The following HS1BP3 variants were observed in gnomAD, a reference collection of about 807,000 sequenced individuals.
HS1BP3 encodes the protein HCLS1 binding protein 3, also known as HCLS1-binding protein 3.
In HS1BP3, 32 loss-of-function variants were observed where a neutral mutation model predicts 33.5. The observed-to-expected ratio is 0.95, with a 90% CI of 0.72 to 1.28. The LOEUF is 1.28. Ranked by LOEUF, HS1BP3 falls within the 50% of genes most tolerant of loss-of-function variation. The pLI is 0.00. For missense variants in HS1BP3, 486 were observed against 502.3 expected (o/e 0.97, Z 0.31); for synonymous variants, 187 against 209.2 (o/e 0.89, Z 0.92).
At chr2:20,582,103 T>G (rs962833308) in intron 5 of HS1BP3, among the ~76,000 whole-genome samples, 1 of 152,202 alleles carries the variant, frequency 6.6e-6, no homozygotes, top group Non-Finnish European at 1.5e-5. Flanking sequence ...TTTGCCAGAT[T>G]CTGTTGGTTA....
chr2:20,640,314 A>C (rs56081219), intron 3 of HS1BP3: 19,127 of 155,506 alleles, frequency 0.12, 1,687 homozygotes, highest in African/African-American at 0.25. Flanking sequence ...TTCTGTTCTA[A>C]GGACTTTGCA....
chr2:20,626,364 C>T (rs537368512), intron 4 of HS1BP3, among the ~76,000 whole-genome samples: 7 of 152,342 alleles, frequency 4.6e-5, no homozygotes, highest in Non-Finnish European at 8.8e-5. Context: ...AGCCCAGTCC[C>T]AGGGGAAGGA....
chr2:20,619,330 C>A (rs548640375), intron 6 of HS1BP3, 85 bp from the exon 7 acceptor site: 10 of 1,221,314 alleles, frequency 8.2e-6, no homozygotes, highest in Admixed American at 2.7e-5. Flanking sequence ...AGTGCCCACA[C>A]GGGGCTGGGC....
intron 2 of HS1BP3, among the ~76,000 whole-genome samples, chr2:20,609,299 T>C (rs1694267524): frequency 6.6e-6 from 1 of 152,212 alleles, no homozygotes; most frequent in Non-Finnish European, 1.5e-5. Flanking sequence ...GCAGCCTTCC[T>C]GCATCCCAGC....
intron 5 of HS1BP3, among the ~76,000 whole-genome samples, chr2:20,561,643 C>T (rs1164802378): frequency 6.6e-6 from 1 of 152,154 alleles, no homozygotes; most frequent in Non-Finnish European, 1.5e-5. Context: ...TTTATTGTGG[C>T]CAAATGGTTC....
intron 3 of HS1BP3, among the ~76,000 whole-genome samples, chr2:20,593,879 T>C (rs1359166251): frequency 1.3e-5 from 2 of 152,302 alleles, no homozygotes; most frequent in East Asian, 1.9e-4. Flanking sequence ...TGAAGGAATG[T>C]ACAAGGGCTG....
chr2:20,585,654 C>T (rs183596142), intron 5 of HS1BP3, among the ~76,000 whole-genome samples: 4 of 152,202 alleles, frequency 2.6e-5, no homozygotes, highest in Admixed American at 2.6e-4. Context: ...TTTGAAGGAC[C>T]GAGAAGCTGC....
rs1286183993 is a variant in HS1BP3 at position 20,566,426 on chromosome 2, G to T, written c.303-5911C>A. On this transcript the variant is annotated intron_variant, in intron 5 of 5. Coordinates refer to the HS1BP3 transcript ENST00000446825. The stretch of plus-strand genomic sequence containing the variant: ...TGGCCTGAGCACCTGTGGGTCCAAA[G>T]CCCTCAGAGTCACACTGGGTCTCCT... Among the ~76,000 whole-genome samples, 10 of 152,274 alleles carry T rather than the reference G, an allele frequency of 6.6e-5. No individual in the cohort carries two copies. In the East Asian group the frequency reaches 1.9e-3, roughly 29 times the overall value.
intron 2 of HS1BP3, among the ~76,000 whole-genome samples, chr2:20,643,730 C>T (rs747461205): frequency 3.3e-5 from 5 of 151,724 alleles, no homozygotes; most frequent in Non-Finnish European, 7.4e-5. Flanking sequence ...GAGTTTGAGA[C>T]CAGCCTGGAC....
chr2:20,584,744 G>C (rs1046543931), intron 5 of HS1BP3, among the ~76,000 whole-genome samples: 5 of 152,324 alleles, frequency 3.3e-5, no homozygotes, highest in African/African-American at 9.6e-5. Flanking sequence ...TCAGGCTCAG[G>C]AATGTGTTTA....
chr2:20,622,165 G>T (rs1407060238), intron 6 of HS1BP3: 4 of 1,281,096 alleles, frequency 3.1e-6, no homozygotes, highest in Non-Finnish European at 3.1e-6. Context: ...TGAACGAAGG[G>T]GTGAAAGCAT....
chr2:20,617,083 C>A (rs1694444299), downstream of HS1BP3, among the ~76,000 whole-genome samples: 3 of 152,156 alleles, frequency 2.0e-5, no homozygotes, highest in Admixed American at 1.3e-4. Context: ...CCCCGCTGTG[C>A]CCTCTGCTCC....
chr2:20,625,347 C>T (rs752678788), intron 4 of HS1BP3, among the ~76,000 whole-genome samples: 6 of 152,200 alleles, frequency 3.9e-5, no homozygotes, highest in Non-Finnish European at 7.3e-5. Flanking sequence ...GTCTGCCATG[C>T]GGTCACAGGC....
intron 2 of HS1BP3, chr2:20,606,441 T>C (rs1694178504): frequency 2.1e-6 from 1 of 477,874 alleles, no homozygotes; most frequent in Non-Finnish European, 4.2e-6. Flanking sequence ...TCAGACACCA[T>C]AGCTGGGGTT....
At chr2:20,593,436 T>C (rs951267838) in intron 3 of HS1BP3, among the ~76,000 whole-genome samples, 1 of 152,188 alleles carries the variant, frequency 6.6e-6, no homozygotes, top group African/African-American at 2.4e-5. Context: ...CTAGTTGACC[T>C]TGGCTGAATG....
chr2:20,626,268 G>A (rs185110444), intron 4 of HS1BP3, among the ~76,000 whole-genome samples: 129 of 152,374 alleles, frequency 8.5e-4, no homozygotes, highest in Non-Finnish European at 1.3e-3. Context: ...CAGCCGAGGC[G>A]AGGAGAAACT....
At chr2:20,577,410 G>T (rs1693427039) in intron 5 of HS1BP3, among the ~76,000 whole-genome samples, 1 of 152,134 alleles carries the variant, frequency 6.6e-6, no homozygotes, top group South Asian at 2.1e-4. Flanking sequence ...TCTTGGGGTT[G>T]TTTTACCCCA....
At chr2:20,638,887 G>C (rs1431082787) in intron 3 of HS1BP3, among the ~76,000 whole-genome samples, 1 of 152,236 alleles carries the variant, frequency 6.6e-6, no homozygotes, top group Non-Finnish European at 1.5e-5. Context: ...AGGGCTGACG[G>C]GCACCAAGGA....
chr2:20,636,211 C>A (rs1695124836), intron 4 of HS1BP3: 1 of 152,218 alleles, frequency 6.6e-6, no homozygotes, highest in African/African-American at 2.4e-5. Context: ...TGGGTGGCAC[C>A]AAGAGAGATC....
Sources: gnomAD v4.1 joint callset for allele counts (sites outside exome capture counted in the v4.1 genomes callset) on GRCh38, gnomAD v4.1.1 for gene constraint, MANE v1.5 for transcripts, NCBI Gene and HGNC (gene_info 2026-07-23, HGNC 2026-07-21) for gene names.